The following ZNF91 variants were observed in gnomAD, a reference collection of about 807,000 sequenced individuals.
ZNF91 encodes the protein zinc finger protein 91 (HPF7, HTF10).
Under a neutral mutation model 12.6 loss-of-function variants are expected in ZNF91, and 7 were observed. The ratio of observed to expected loss-of-function variants is 0.55; its 90% confidence interval spans 0.31 to 1.04. ZNF91 has a LOEUF of 1.04. Among genes scored for constraint, ZNF91 ranks in the 50% least tolerant of loss-of-function variants. The probability of loss-of-function intolerance (pLI) is 0.05; values close to 1 mark genes in which losing one functional copy is unlikely to be tolerated. For missense variants in ZNF91, 1,217 were observed against 1,385.4 expected, an observed-to-expected ratio of 0.88 and a Z score of 1.93; for synonymous variants, 453 against 462.6, an observed-to-expected ratio of 0.98 and a Z score of 0.27.
intron 1 of ZNF91, 48 bp from the exon 2 acceptor site, chr19:23,374,812 G>C: frequency 6.3e-7 from 1 of 1,591,266 alleles, no homozygotes. Flanking sequence ...GCTATGGGCA[G>C]AATTTTTCAT....
At chr19:23,391,039 G>C (rs1040718209) in intron 1 of ZNF91, among the ~76,000 whole-genome samples, 17 of 152,180 alleles carry the variant, frequency 1.1e-4, no homozygotes, top group African/African-American at 2.7e-4. Flanking sequence ...GGGGTTGCTT[G>C]GTGAAATGGT....
intron 3 of ZNF91, among the ~76,000 whole-genome samples, chr19:23,364,010 G>C (rs1172786090): frequency 1.3e-5 from 2 of 152,096 alleles, no homozygotes; most frequent in African/African-American, 4.8e-5. Context: ...CTTTGAAGCT[G>C]CAAAATAAAA....
chr19:23,375,198 T>C (rs560359871), intron 1 of ZNF91, among the ~76,000 whole-genome samples: 1 of 152,172 alleles, frequency 6.6e-6, no homozygotes, highest in South Asian at 2.1e-4. Flanking sequence ...TCTCACTCTG[T>C]TGCCCAGGCT....
In ZNF91 at chr19:23,362,391, G is replaced by A; in HGVS notation, c.588C>T (p.His196=). ...TATAAACGCATTTATGTTGGGTTTT[G>A]TGTAAACGGATGCAAAATGACTTGA... ...KCVKSFCIRL[H]KTQHKCVYIT... Residue 196 remains histidine, a synonymous_variant, in exon 4 of 4, where the codon CAC becomes CAT. Transcript: ENST00000300619. 1 of 1,613,938 alleles carries A rather than the reference G, an allele frequency of 6.2e-7. No individual in the cohort carries two copies. Among genetic ancestry groups the A allele is most frequent in the Non-Finnish European group, 8.5e-7 (1 of 1,179,976 alleles).
Position 23,348,997 on chromosome 19 carries a change from G to A in ZNF91, c.254-9943C>T, listed in dbSNP as rs1296815384. 3.9e-5 allele frequency among the ~76,000 whole-genome samples: 6 copies of A among 152,156 alleles called. No homozygotes were observed. In the East Asian group the frequency reaches 1.2e-3, roughly 29 times the overall value. Reference sequence around the variant, plus strand: ...GGTCTCCTGCAGTGTCTTCAGGCTTGCTAGGATTGGGAAATTCCAGCCTAG... The same window carrying A: ...GGTCTCCTGCAGTGTCTTCAGGCTTACTAGGATTGGGAAATTCCAGCCTAG... On this transcript the variant is annotated intron_variant, in intron 3 of 3. Coordinates refer to the ZNF91 transcript ENST00000599743.
intron 1 of ZNF91, among the ~76,000 whole-genome samples, chr19:23,378,397 T>G (rs1310295451): frequency 6.6e-6 from 1 of 152,240 alleles, no homozygotes; most frequent in Non-Finnish European, 1.5e-5. Flanking sequence ...TGTAAAATTC[T>G]GTTCTTTATG....
At chr19:23,368,241 G>C (rs1969096560) in intron 3 of ZNF91, among the ~76,000 whole-genome samples, 1 of 152,066 alleles carries the variant, frequency 6.6e-6, no homozygotes, top group Non-Finnish European at 1.5e-5. Flanking sequence ...GCAGGGCACT[G>C]TGGCTCATGC....
At chr19:23,338,792 G>A (rs1262426791) in exon 4 of ZNF91, 2 of 152,028 alleles carry the variant, frequency 1.3e-5, no homozygotes, top group African/African-American at 4.8e-5. Flanking sequence ...GGTGGCTCAC[G>A]CCTGTAGTCC....
intron 1 of ZNF91, among the ~76,000 whole-genome samples, chr19:23,392,793 C>T (rs1473124932): frequency 1.1e-5 from 1 of 88,078 alleles, no homozygotes; most frequent in African/African-American, 6.7e-5. Context: ...AGCAAGATTT[C>T]GACTCATAAA....
chr19:23,385,232 A>G (rs534651549), intron 1 of ZNF91: 2 of 585,534 alleles, frequency 3.4e-6, no homozygotes, highest in East Asian at 2.7e-5. Context: ...CTCCCCCTGC[A>G]GCTTGATATT....
At chr19:23,381,277 C>A (rs772736150) in intron 1 of ZNF91, among the ~76,000 whole-genome samples, 1 of 152,070 alleles carries the variant, frequency 6.6e-6, no homozygotes, top group Non-Finnish European at 1.5e-5. Context: ...TTAAGGAATT[C>A]ATTCAAAGTA....
intron 3 of ZNF91, chr19:23,307,280 G>A (rs1316511702): frequency 2.0e-5 from 3 of 152,084 alleles, no homozygotes; most frequent in Admixed American, 2.0e-4. Context: ...ATATCTCTGG[G>A]CCCATCAACC....
At chr19:23,367,579 C>T (rs149113584) in intron 3 of ZNF91, among the ~76,000 whole-genome samples, 4 of 151,896 alleles carry the variant, frequency 2.6e-5, no homozygotes, top group Admixed American at 2.0e-4. Flanking sequence ...AATTTTGTTA[C>T]GAACTATAGC....
At chr19:23,330,676 A>G (rs1235533902) in intron 1 of ZNF91, among the ~76,000 whole-genome samples, 1 of 149,820 alleles carries the variant, frequency 6.7e-6, no homozygotes, top group Non-Finnish European at 1.5e-5. Context: ...ATGGGATAAG[A>G]GAAACTGAAT....
chr19:23,370,921 A>C (rs1969252047), intron 3 of ZNF91, among the ~76,000 whole-genome samples: 1 of 152,220 alleles, frequency 6.6e-6, no homozygotes, highest in Admixed American at 6.5e-5. Context: ...ATTTTCTTGA[A>C]AATTACCTTC....
At position 23,361,158 on chromosome 19, in the gene ZNF91, A is replaced by G; in HGVS notation, c.1821T>C (p.Cys607=). 6.2e-7 allele frequency: 1 copy of G among 1,613,734 alleles called. No homozygotes were observed. Among genetic ancestry groups the G allele is most frequent in the South Asian group, 1.1e-5 (1 of 91,072 alleles). Residue 607 remains cysteine (C), a synonymous_variant, in exon 4 of 4, where the codon TGT becomes TGC. Coordinates refer to ENST00000300619, the MANE Select transcript of ZNF91 (RefSeq NM_003430.4). ...TGEKSYKCEE[C]GKAFLWSSTL... is the part of the protein sequence containing the mutation. Reference sequence around the variant, plus strand: ...TTGAGGACCATAGAAATGCTTTGCCACATTCTTCACACTTGTAAGACTTCT... The same window carrying G: ...TTGAGGACCATAGAAATGCTTTGCCGCATTCTTCACACTTGTAAGACTTCT...
At chr19:23,339,616 C>T (rs548947529) in intron 3 of ZNF91, 1 of 152,186 alleles carries the variant, frequency 6.6e-6, no homozygotes, top group East Asian at 1.9e-4. Context: ...AAATAACATA[C>T]TCCTCAACAG....
At chr19:23,339,303 A>T (rs1968078172) in intron 3 of ZNF91, 2 of 152,292 alleles carry the variant, frequency 1.3e-5, no homozygotes, top group Admixed American at 1.3e-4. Context: ...ATAATAAAGA[A>T]ATCATTTCAG....
At position 23,362,360 on chromosome 19, in the gene ZNF91, C is replaced by G; in HGVS notation, c.619G>C (p.Glu207Gln). ...KTQHKCVYIT[E>Q]KSCKCKECEK... ...CATTCTTTACATTTACAGGACTTCT[C>G]TGTAATATAAACGCATTTATGTTGG... The change falls in exon 4 of 4, where the codon GAG becomes CAG. Residue 207 changes from glutamate (E) to glutamine (Q), a missense_variant. Glu to Gln is a conservative substitution (Grantham distance 29). Around this residue, in one of 2 missense-constraint regions of ZNF91, gnomAD observed 726 missense variants for 895.5 expected, o/e 0.81. Coordinates refer to ENST00000300619, the MANE Select transcript of ZNF91 (RefSeq NM_003430.4). 1 of 1,613,500 alleles carries G rather than the reference C, an allele frequency of 6.2e-7. No individual in the cohort carries two copies. The highest frequency in any genetic ancestry group is 1.7e-4 in the Middle Eastern group (1 of 6,054).
Sources: gnomAD v4.1 joint callset for allele counts (sites outside exome capture counted in the v4.1 genomes callset) on GRCh38, gnomAD v4.1.1 for gene constraint, gnomAD v4.1.1 regional missense constraint, MANE v1.5 for transcripts, NCBI Gene and HGNC (gene_info 2026-07-23, HGNC 2026-07-21) for gene names.